CAST: variants seen among roughly 807,000 people sequenced by gnomAD.
The protein encoded by CAST is calpastatin.
Under a neutral mutation model 119.6 loss-of-function variants are expected in CAST, and 76 were observed. The observed-to-expected ratio is 0.64, with a 90% CI of 0.53 to 0.77. CAST has a LOEUF of 0.77. Ranked by LOEUF, CAST falls within the 30% of genes least tolerant of loss-of-function variation. The pLI is 0.00. For missense variants in CAST, 953 were observed against 946.5 expected, an observed-to-expected ratio of 1.01 and a Z score of -0.09; for synonymous variants, 319 against 331.6, an observed-to-expected ratio of 0.96 and a Z score of 0.41.
At chr5:96,491,490 C>CAAAAAAAAAAAAAAAAA in the CAST span, among the ~76,000 whole-genome samples, 10 of 56,780 alleles carry the variant, frequency 1.8e-4, no homozygotes, top group Middle Eastern at 0.012. Flanking sequence ...GACTCCATCT[C>CAAAAAAAAAAAAAAAAA]AAAAAAAAAA....
chr5:96,293,355 T>C, the CAST span, among the ~76,000 whole-genome samples: 2 of 152,250 alleles, frequency 1.3e-5, no homozygotes, highest in African/African-American at 4.8e-5. Context: ...CTCAGCTCAC[T>C]GCAACCTCCA....
chr5:96,633,812 C>T (rs1010180764), intron 1 of CAST, among the ~76,000 whole-genome samples: 4 of 152,164 alleles, frequency 2.6e-5, no homozygotes, highest in East Asian at 1.9e-4. Flanking sequence ...ATAATTCTAG[C>T]GAAAGGTTCA....
At chr5:96,109,615 G>C in the CAST span, among the ~76,000 whole-genome samples, 48,151 of 152,058 alleles carry the variant, frequency 0.32, 7,680 homozygotes, top group South Asian at 0.44. Context: ...AGGAGTGGGG[G>C]TGATGTTCCC....
chr5:96,522,115 CA>C (rs113441232), upstream of CAST, among the ~76,000 whole-genome samples: 22,541 of 133,636 alleles, frequency 0.17, 1,938 homozygotes, highest in Non-Finnish European at 0.22. Flanking sequence ...GACTCTGTCT[CA>C]AAAAAAAAAA....
the CAST span, among the ~76,000 whole-genome samples, chr5:96,515,215 C>A: frequency 6.6e-6 from 1 of 152,014 alleles, no homozygotes; most frequent in Non-Finnish European, 1.5e-5. Context: ...CACTTTTCAG[C>A]TGATTTTGTC....
the CAST span, among the ~76,000 whole-genome samples, chr5:96,368,261 T>TG: frequency 3.3e-5 from 5 of 151,878 alleles, no homozygotes. Flanking sequence ...GCACTTTGGG[T>TG]GGCCAATGCG....
At chr5:96,412,290 T>A in the CAST span, 10 of 1,598,424 alleles carry the variant, frequency 6.3e-6, no homozygotes, top group African/African-American at 1.3e-5. Flanking sequence ...AGGTTTCATT[T>A]CATGTGGGTC....
chr5:96,133,659 A>G, the CAST span, among the ~76,000 whole-genome samples: 1 of 152,224 alleles, frequency 6.6e-6, no homozygotes, highest in Non-Finnish European at 1.5e-5. Context: ...AATCTTCATT[A>G]CAAATTTTTG....
At chr5:96,751,987 G>A (rs1024527442) in intron 20 of CAST, among the ~76,000 whole-genome samples, 7 of 152,166 alleles carry the variant, frequency 4.6e-5, no homozygotes, top group Non-Finnish European at 1.0e-4. Flanking sequence ...TGGCATTTCT[G>A]GGATTGTGAC....
chr5:95,997,585 G>A, the CAST span, among the ~76,000 whole-genome samples: 1 of 152,124 alleles, frequency 6.6e-6, no homozygotes, highest in South Asian at 2.1e-4. Context: ...CAGGAACAAA[G>A]ATCCATAGCT....
At chr5:96,730,935 A>G in intron 9 of CAST, 75 bp downstream of exon 9, 1 of 1,147,512 alleles carries the variant, frequency 8.7e-7, no homozygotes, top group Non-Finnish European at 1.3e-6. Context: ...CGTATGCTCA[A>G]ATAACCTATC....
chr5:96,707,895 C>A (rs563774270), intron 3 of CAST, among the ~76,000 whole-genome samples: 7 of 152,204 alleles, frequency 4.6e-5, no homozygotes, highest in Admixed American at 4.6e-4. Flanking sequence ...GCTGTTCCCA[C>A]CAAGAAATCA....
chr5:96,582,632 C>T (rs1167541411), intron 1 of CAST, among the ~76,000 whole-genome samples: 1 of 152,136 alleles, frequency 6.6e-6, no homozygotes, highest in Non-Finnish European at 1.5e-5. Context: ...GTGAGCAGTG[C>T]GCGGCTGGAA....
chr5:96,680,379 AG>A (rs67186539), intron 2 of CAST, among the ~76,000 whole-genome samples: 4,043 of 76,366 alleles, frequency 0.053, 361 homozygotes, highest in East Asian at 0.14. Context: ...AAAAAAAAAA[AG>A]AAGAAGAAGA....
the CAST span, among the ~76,000 whole-genome samples, chr5:96,432,477 C>G: frequency 6.6e-6 from 1 of 152,178 alleles, no homozygotes; most frequent in Non-Finnish European, 1.5e-5. Flanking sequence ...CGCCTCAGTC[C>G]CGGGGGATGG....
intron 1 of CAST, among the ~76,000 whole-genome samples, chr5:96,619,793 A>T (rs1747560361): frequency 6.6e-6 from 1 of 151,240 alleles, no homozygotes. Flanking sequence ...AGTCAGCCAT[A>T]CCAAGAAACC....
chr5:96,529,316 A>G (rs1170429947), upstream of CAST, among the ~76,000 whole-genome samples: 2 of 151,990 alleles, frequency 1.3e-5, no homozygotes, highest in African/African-American at 4.8e-5. Context: ...GCCAGTTAAA[A>G]GGTACTCATA....
the CAST span, among the ~76,000 whole-genome samples, chr5:96,466,748 CTCT>C: frequency 6.6e-6 from 1 of 152,088 alleles, no homozygotes; most frequent in Non-Finnish European, 1.5e-5. Context: ...TATCCAACTA[CTCT>C]TCTTTATGTA....
At chr5:96,480,602 T>C in the CAST span, among the ~76,000 whole-genome samples, 1 of 152,158 alleles carries the variant, frequency 6.6e-6, no homozygotes, top group African/African-American at 2.4e-5. Context: ...AAGTGAGATA[T>C]GGCCTAGAAA....
Sources: gnomAD v4.1 joint callset for allele counts (sites outside exome capture counted in the v4.1 genomes callset) on GRCh38, gnomAD v4.1.1 for gene constraint, MANE v1.5 for transcripts, NCBI Gene and HGNC (gene_info 2026-07-23, HGNC 2026-07-21) for gene names.